The following MYT1L variants were observed in gnomAD, a reference collection of about 807,000 sequenced individuals.
MYT1L encodes myelin transcription factor 1 like.
In MYT1L, 12 loss-of-function variants were observed where a neutral mutation model predicts 126.7. That is an observed-to-expected ratio of 0.09 (90% CI 0.06 to 0.15). The LOEUF (loss-of-function observed/expected upper bound fraction) is 0.15. Among genes scored for constraint, MYT1L ranks in the 10% least tolerant of loss-of-function variants. MYT1L has a pLI of 1.00. For synonymous variants in MYT1L, 541 were observed against 604.2 expected (o/e 0.90, Z 1.53); for missense variants, 979 against 1,585.2 (o/e 0.62, Z 6.49).
At chr2:1,873,427 C>T (rs554532861) in intron 18 of MYT1L, among the ~76,000 whole-genome samples, 23 of 152,264 alleles carry the variant, frequency 1.5e-4, no homozygotes, top group African/African-American at 5.5e-4. Flanking sequence ...GAGATGCCAG[C>T]GCCTCCGAGG....
intron 1 of MYT1L, chr2:2,323,965 G>T (rs1335488080): frequency 6.6e-6 from 1 of 152,136 alleles, no homozygotes; most frequent in Non-Finnish European, 1.5e-5. Flanking sequence ...TTGAATAATG[G>T]CTGCTGTAAG....
intron 9 of MYT1L, among the ~76,000 whole-genome samples, chr2:1,934,029 C>T (rs904802196): frequency 1.5e-5 from 2 of 136,070 alleles, no homozygotes; most frequent in Admixed American, 8.3e-5. Flanking sequence ...GGCTGGAGTG[C>T]AGTGGTGCGA....
intron 1 of MYT1L, among the ~76,000 whole-genome samples, chr2:2,310,750 A>C (rs955987280): frequency 1.3e-5 from 2 of 152,230 alleles, no homozygotes; most frequent in Admixed American, 6.5e-5. Flanking sequence ...ACAGTTATCT[A>C]TAAATTTGTC....
chr2:2,242,412 G>A (rs997959409), intron 2 of MYT1L, among the ~76,000 whole-genome samples: 22 of 152,182 alleles, frequency 1.4e-4, no homozygotes, highest in African/African-American at 3.9e-4. Context: ...CACATATTAC[G>A]AAAAGAACTT....
chr2:2,065,821 T>TACACACAC (rs1491240885), intron 3 of MYT1L, among the ~76,000 whole-genome samples: 1 of 119,626 alleles, frequency 8.4e-6, no homozygotes. Context: ...CTCTCTCTTT[T>TACACACAC]ATACACACAC....
chr2:1,940,126 C>G (rs1048989851), intron 9 of MYT1L, among the ~76,000 whole-genome samples: 2 of 152,256 alleles, frequency 1.3e-5, no homozygotes, highest in Admixed American at 6.5e-5. Flanking sequence ...TCACGCTCTA[C>G]TGCCAGGATG....
At chr2:2,252,795 GGTGCTATA>G (rs2149229003) in intron 2 of MYT1L, among the ~76,000 whole-genome samples, 1 of 152,134 alleles carries the variant, frequency 6.6e-6, no homozygotes, top group Non-Finnish European at 1.5e-5. Flanking sequence ...TGCTCAGTGG[GGTGCTATA>G]TGTCTTCTAA....
intron 3 of MYT1L, among the ~76,000 whole-genome samples, chr2:2,141,556 G>T (rs1258269556): frequency 6.6e-6 from 1 of 152,186 alleles, no homozygotes; most frequent in Non-Finnish European, 1.5e-5. Context: ...TTGATAGACA[G>T]AGCTAAGCTT....
At chr2:1,898,812 G>A (rs2049961937) in intron 14 of MYT1L, among the ~76,000 whole-genome samples, 1 of 152,202 alleles carries the variant, frequency 6.6e-6, no homozygotes, top group Admixed American at 6.5e-5. Context: ...GGCAGGTGGA[G>A]GGAAGAAGGG....
chr2:1,940,158 G>C (rs1320208391), intron 9 of MYT1L, among the ~76,000 whole-genome samples: 5 of 152,162 alleles, frequency 3.3e-5, no homozygotes, highest in African/African-American at 1.2e-4. Flanking sequence ...GGGTGCACCT[G>C]TCTCACACTG....
At chr2:1,881,329 G>T (rs2047506091) in intron 18 of MYT1L, among the ~76,000 whole-genome samples, 1 of 149,794 alleles carries the variant, frequency 6.7e-6, no homozygotes, top group African/African-American at 2.5e-5. Flanking sequence ...CCAAGACCTG[G>T]GTGGTTTATT....
At chr2:2,013,488 G>A (rs1226745493) in intron 4 of MYT1L, among the ~76,000 whole-genome samples, 7 of 152,192 alleles carry the variant, frequency 4.6e-5, no homozygotes, top group Admixed American at 2.0e-4. Flanking sequence ...CTCATTGCCC[G>A]TGTGGCCCAC....
chr2:2,140,941 C>G (rs1179541544), intron 3 of MYT1L, among the ~76,000 whole-genome samples: 1 of 152,040 alleles, frequency 6.6e-6, no homozygotes, highest in Non-Finnish European at 1.5e-5. Flanking sequence ...TTATCAAATA[C>G]TTTTTTTTAA....
intron 8 of MYT1L, among the ~76,000 whole-genome samples, chr2:1,961,134 C>G (rs10185662): frequency 6.6e-6 from 1 of 152,004 alleles, no homozygotes; most frequent in Non-Finnish European, 1.5e-5. Flanking sequence ...CATTTCAAAC[C>G]TGGCTGTATG....
chr2:2,192,300 C>T (rs1477382220), intron 2 of MYT1L, among the ~76,000 whole-genome samples: 1 of 152,250 alleles, frequency 6.6e-6, no homozygotes, highest in Non-Finnish European at 1.5e-5. Flanking sequence ...CGTTACAGAG[C>T]AGTTGTAAGG....
chr2:1,811,824 C>G lies in MYT1L; in HGVS notation c.3081-2657G>C, dbSNP rs1164303180. The stretch of plus-strand genomic sequence containing the variant: ...GGCAACAACCTGGCAGTCGTCCCCA[C>G]TCCGGGGCACCCTCCTGGGTCTTCT... On this transcript the variant is annotated intron_variant, in intron 21 of 24. Transcript: ENST00000647738. This position sits in a 1 kb window ranked among gnomAD's most constrained non-coding sequence, Gnocchi z 4.4. Among the ~76,000 whole-genome samples, 3 of 152,130 alleles carry G rather than the reference C, an allele frequency of 2.0e-5. No individual in the cohort carries two copies. The highest frequency in any genetic ancestry group is 2.9e-5 in the Non-Finnish European group (2 of 68,034).
chr2:1,936,648 T>C (rs1211786613), intron 9 of MYT1L, among the ~76,000 whole-genome samples: 1 of 152,206 alleles, frequency 6.6e-6, no homozygotes, highest in Non-Finnish European at 1.5e-5. Context: ...CAGTGAAAAC[T>C]GGTTGGCTAA....
At chr2:2,127,294 C>T (rs1473625568) in intron 3 of MYT1L, among the ~76,000 whole-genome samples, 3 of 152,170 alleles carry the variant, frequency 2.0e-5, no homozygotes, top group Non-Finnish European at 4.4e-5. Context: ...TACACGTGTG[C>T]AATTATGCAC....
intron 1 of MYT1L, among the ~76,000 whole-genome samples, chr2:2,307,246 T>C (rs1437772912): frequency 6.6e-6 from 1 of 152,142 alleles, no homozygotes; most frequent in Non-Finnish European, 1.5e-5. Context: ...AGAAAGACTC[T>C]GGTATTGTTT....
Sources: allele counts gnomAD v4.1 joint callset (sites outside exome capture counted in the v4.1 genomes callset), GRCh38; gene constraint gnomAD v4.1.1; non-coding constraint Gnocchi (gnomAD v3.1); transcripts MANE v1.5; gene names NCBI Gene and HGNC (gene_info 2026-07-23, HGNC 2026-07-21).